Variants in BRAF observed in about 807,000 individuals in gnomAD.
BRAF encodes the protein B-Raf proto-oncogene, serine/threonine kinase.
BRAF carries 16 observed loss-of-function variants against 104.6 expected under a neutral mutation model. The ratio of observed to expected loss-of-function variants is 0.15; its 90% CI spans 0.10 to 0.23. The LOEUF (loss-of-function observed/expected upper bound fraction) is 0.23. BRAF is among the 10% of genes least tolerant of loss of function. The probability of loss-of-function intolerance (pLI) is 1.00; values close to 1 mark genes in which losing one functional copy is unlikely to be tolerated. For synonymous variants in BRAF, 310 were observed against 341.6 expected (o/e 0.91, Z 1.02); for missense variants, 541 against 937.3 (o/e 0.58, Z 5.52).
intron 2 of BRAF, among the ~76,000 whole-genome samples, chr7:140,843,684 C>T (rs1317959958): frequency 6.6e-6 from 1 of 152,020 alleles, no homozygotes; most frequent in African/African-American, 2.4e-5. Flanking sequence ...CATGTACATA[C>T]CTATATGTCT....
rs376254155 is a variant in BRAF, at chr7:140,843,902, G to A, written c.240+6209C>T. On this transcript the variant is annotated intron_variant, in intron 2 of 19. Coordinates refer to ENST00000644969, the MANE Select transcript of BRAF (RefSeq NM_001374258.1). ...CGGGCGCCTGTAGTCCCAGCTACTC[G>A]GGAGGCTGAGGCAGGAGAATGGCGT... Among the ~76,000 whole-genome samples the A allele has an allele frequency of 6.6e-4, 101 of 152,206 alleles. 1 individual carries two copies. The highest frequency in any genetic ancestry group is 2.3e-3 in the South Asian group (11 of 4,828).
rs1803933151 is a variant in BRAF, at chr7:140,808,882, C to T, written c.608+10G>A. The T allele has an allele frequency of 1.9e-6, 3 of 1,603,776 alleles. No individual in the cohort carries two copies. The highest frequency in any genetic ancestry group is 2.6e-6 in the Non-Finnish European group (3 of 1,172,610). ...TTTAAACAAAATTTCACGTCACATA[C>T]AAACCATACCCATCCTGAATTCTGT... On this transcript the variant is annotated intron_variant, in intron 4 of 19. Transcript: ENST00000644969.
intron 17 of BRAF, chr7:140,748,797 CCCT>C (rs1454534092): frequency 6.4e-6 from 1 of 155,622 alleles, no homozygotes; most frequent in East Asian, 1.9e-4. Context: ...TAAAAAATTA[CCCT>C]CCTACTAGCA....
chr7:140,866,991 T>C (rs1278233490), intron 1 of BRAF, among the ~76,000 whole-genome samples: 1 of 152,220 alleles, frequency 6.6e-6, no homozygotes, highest in Non-Finnish European at 1.5e-5. Flanking sequence ...AAAATAGTTT[T>C]CAAAGATTTT....
At chr7:140,770,611 T>C (rs1353810122) in intron 14 of BRAF, among the ~76,000 whole-genome samples, 1 of 151,102 alleles carries the variant, frequency 6.6e-6, no homozygotes, top group South Asian at 2.1e-4. Flanking sequence ...ATCTGGGTCC[T>C]TGGGATGAAT....
intron 17 of BRAF, among the ~76,000 whole-genome samples, chr7:140,743,574 G>GGGGT (rs1045020234): frequency 6.6e-6 from 1 of 152,122 alleles, no homozygotes; most frequent in African/African-American, 2.4e-5. Flanking sequence ...GGACTGTTGT[G>GGGGT]GGGTGGGTGG....
intron 14 of BRAF, among the ~76,000 whole-genome samples, chr7:140,771,808 A>C (rs1220664000): frequency 2.6e-5 from 4 of 152,182 alleles, no homozygotes; most frequent in Non-Finnish European, 4.4e-5. Flanking sequence ...AGTTGAAAGG[A>C]GGCACAGTAA....
At chr7:140,842,102 G>C (rs966834641) in intron 2 of BRAF, among the ~76,000 whole-genome samples, 2 of 152,078 alleles carry the variant, frequency 1.3e-5, no homozygotes. Flanking sequence ...TTCATTGAAG[G>C]GTTTGACACA....
chr7:140,895,819 C>T (rs1056556508), intron 1 of BRAF, among the ~76,000 whole-genome samples: 1 of 152,138 alleles, frequency 6.6e-6, no homozygotes, highest in African/African-American at 2.4e-5. Context: ...TGTCTTTACC[C>T]AATCTTCTGT....
chr7:140,899,028 C>T (rs988787138), intron 1 of BRAF, among the ~76,000 whole-genome samples: 4 of 152,088 alleles, frequency 2.6e-5, no homozygotes, highest in Non-Finnish European at 5.9e-5. Flanking sequence ...ATGATATCTA[C>T]TGCACTACTG....
intron 5 of BRAF, among the ~76,000 whole-genome samples, chr7:140,806,033 G>T (rs548355099): frequency 5.9e-4 from 90 of 152,200 alleles, no homozygotes; most frequent in South Asian, 3.5e-3. Flanking sequence ...TCATGAGCTG[G>T]ACTCTGCTTA....
In BRAF at chr7:140,723,350, T is replaced by C. The variant is rs1162969315; in HGVS notation, c.*3144A>G. 1 of 1,055,488 alleles carries C rather than the reference T, an allele frequency of 9.5e-7. No homozygotes were observed. Among genetic ancestry groups the C allele is most frequent in the Non-Finnish European group, 1.1e-6 (1 of 873,344 alleles). 65.4% of individuals were successfully genotyped at this position (1,055,488 alleles called of 1,614,324 possible). A position where few individuals can be genotyped will look rare whatever the true frequency, so the allele number is the denominator to read the frequency against. On this transcript the variant is annotated 3_prime_UTR_variant, in exon 20 of 20. Coordinates refer to ENST00000644969, the MANE Select transcript of BRAF (RefSeq NM_001374258.1). ...GAATTATTTCTTTATATACTGCTCT[T>C]TCTTCTCCAACACCAACATAAATAT... is the stretch of plus-strand genomic sequence containing the variant.
At position 140,850,188 on chromosome 7, in the gene BRAF, T is replaced by C; in HGVS notation, c.163A>G (p.Lys55Glu). ...GCCTCTATATGTTCCTGTGTCAACT[T>C]AATCATTTGTTTGATATTCCACACC... is the stretch of plus-strand genomic sequence containing the variant. The part of the protein sequence containing the change: ...EEVWNIKQMI[K>E]LTQEHIEALL... Residue 55 changes from lysine to glutamate, a missense_variant, in exon 2 of 20, where the codon AAG becomes GAG. Lys to Glu is a moderately conservative substitution (Grantham distance 56). Coordinates refer to ENST00000644969, the MANE Select transcript of BRAF (RefSeq NM_001374258.1). 1 of 1,610,838 alleles carries C rather than the reference T, an allele frequency of 6.2e-7. No individual in the cohort carries two copies. The highest frequency in any genetic ancestry group is 8.5e-7 in the Non-Finnish European group (1 of 1,178,256).
chr7:140,883,429 T>C (rs962803591), intron 1 of BRAF, among the ~76,000 whole-genome samples: 12 of 152,242 alleles, frequency 7.9e-5, no homozygotes, highest in African/African-American at 2.7e-4. Flanking sequence ...CTTCTAAAAA[T>C]GTGTTTTCAA....
At chr7:140,870,337 T>A (rs1811436661) in intron 1 of BRAF, among the ~76,000 whole-genome samples, 1 of 152,180 alleles carries the variant, frequency 6.6e-6, no homozygotes, top group South Asian at 2.1e-4. Flanking sequence ...TTATTTTAGA[T>A]AAGACTTCTA....
intron 1 of BRAF, among the ~76,000 whole-genome samples, chr7:140,863,799 TG>T (rs1204489606): frequency 6.6e-6 from 1 of 152,222 alleles, no homozygotes; most frequent in Non-Finnish European, 1.5e-5. Context: ...CTGCCATGAC[TG>T]TAAGTTTCCT....
In BRAF at chr7:140,919,345, A is replaced by G. The variant is rs867676832; in HGVS notation, c.138+5221T>C. ...CAGAGCTTCCAGAAGATATAAAGTT[A>G]ATTGAGTTCAAAGCAATTTTTATAT... is the stretch of plus-strand genomic sequence containing the variant. On this transcript the variant is annotated intron_variant, in intron 1 of 19. Transcript: ENST00000644969. Among the ~76,000 whole-genome samples the G allele has an allele frequency of 3.3e-5, 5 of 152,266 alleles. No homozygotes were observed. In the Middle Eastern group the frequency reaches 0.01, roughly 311 times the overall value.
chr7:140,750,565 T>C (rs1040129006), intron 16 of BRAF, among the ~76,000 whole-genome samples: 1 of 152,222 alleles, frequency 6.6e-6, no homozygotes, highest in African/African-American at 2.4e-5. Flanking sequence ...ATCTGTGGGA[T>C]GTCCTGAAGA....
chr7:140,917,297 G>A (rs1395310168), intron 1 of BRAF, among the ~76,000 whole-genome samples: 1 of 152,156 alleles, frequency 6.6e-6, no homozygotes, highest in East Asian at 1.9e-4. Context: ...CTGACCTCAG[G>A]TGATCTGCCC....
Sources: allele counts gnomAD v4.1 joint callset (sites outside exome capture counted in the v4.1 genomes callset), GRCh38; gene constraint gnomAD v4.1.1; transcripts MANE v1.5; gene names NCBI Gene and HGNC (gene_info 2026-07-23, HGNC 2026-07-21).